The following MYT1L variants were observed in gnomAD, a reference collection of about 807,000 sequenced individuals.
The protein encoded by MYT1L is myelin transcription factor 1 like.
A neutral mutation model predicts 126.7 loss-of-function variants in MYT1L; 12 were observed. That is an observed-to-expected ratio of 0.09 (90% CI 0.06 to 0.15). The LOEUF (loss-of-function observed/expected upper bound fraction) is 0.15, where lower values mean the gene tolerates loss of function less well. Ranked by LOEUF, MYT1L falls within the 10% of genes least tolerant of loss-of-function variation. The pLI, the probability that MYT1L is intolerant of heterozygous loss-of-function variation, is 1.00. For synonymous variants in MYT1L, 541 were observed against 604.2 expected, an observed-to-expected ratio of 0.90 and a Z score of 1.53; for missense variants, 979 against 1,585.2, an observed-to-expected ratio of 0.62 and a Z score of 6.49.
At chr2:1,942,928 T>C in intron 9 of MYT1L, 54 bp downstream of exon 9, 3 of 1,482,078 alleles carry the variant, frequency 2.0e-6, no homozygotes, top group Non-Finnish European at 1.8e-6. Context: ...CAATTCACCT[T>C]GAACAGTGGA....
chr2:1,899,827 G>A (rs2050100019), intron 14 of MYT1L, among the ~76,000 whole-genome samples: 1 of 152,212 alleles, frequency 6.6e-6, no homozygotes, highest in South Asian at 2.1e-4. Context: ...ATGATAGACT[G>A]ACAGATGGAT....
chr2:2,160,179 C>T (rs778198849), intron 3 of MYT1L, among the ~76,000 whole-genome samples: 47 of 152,156 alleles, frequency 3.1e-4, no homozygotes, highest in Admixed American at 6.5e-4. Flanking sequence ...CTTTCATCAT[C>T]GTGAGTAGCA....
chr2:1,904,343 T>C (rs962815546), intron 13 of MYT1L, among the ~76,000 whole-genome samples: 6 of 152,102 alleles, frequency 3.9e-5, no homozygotes, highest in African/African-American at 9.7e-5. Flanking sequence ...TCAGGTTTTG[T>C]AGAATCAGAT....
intron 9 of MYT1L, among the ~76,000 whole-genome samples, chr2:1,941,277 C>A (rs555807246): frequency 2.6e-5 from 4 of 152,090 alleles, no homozygotes; most frequent in Non-Finnish European, 5.9e-5. Context: ...TATCTTAATC[C>A]GTCGCACCAA....
intron 2 of MYT1L, among the ~76,000 whole-genome samples, chr2:2,233,813 G>C (rs1329082943): frequency 1.3e-5 from 2 of 152,196 alleles, no homozygotes; most frequent in East Asian, 3.9e-4. Context: ...TTCTCACCCT[G>C]TACTGGCCTG....
chr2:1,857,342 G>A (rs558779727), intron 18 of MYT1L, among the ~76,000 whole-genome samples: 47 of 152,298 alleles, frequency 3.1e-4, no homozygotes, highest in African/African-American at 9.9e-4. Context: ...CTCCCAGAAT[G>A]TTTCAGCTCT....
intron 21 of MYT1L, among the ~76,000 whole-genome samples, chr2:1,812,208 CT>C (rs2036774468): frequency 6.6e-6 from 1 of 152,216 alleles, no homozygotes; most frequent in South Asian, 2.1e-4. Flanking sequence ...ACCGCACCCC[CT>C]GATGCTCTAA....
rs1572856968 is a variant in MYT1L, at chr2:1,850,223, CCTTCCTTCCTTCCTTCCTTCCTTCCT to C, written c.2774+1392_2774+1417del. Reference sequence around the variant, plus strand: ...TCCTTCCTTCCTTCCTTCCTTCCTTCCTTCCTTCCTTCCTTCCTTCCTTCCTTCCCTGTCTTTTCTCTCTTTCTTTT... The same window carrying C: ...TCCTTCCTTCCTTCCTTCCTTCCTTCTCCCTGTCTTTTCTCTCTTTCTTTT... On this transcript the variant is annotated intron_variant, in intron 19 of 24. Coordinates refer to ENST00000647738, the MANE Select transcript of MYT1L (RefSeq NM_001303052.2). Among the ~76,000 whole-genome samples, 3 of 74,146 alleles carry C rather than the reference CCTTCCTTCCTTCCTTCCTTCCTTCCT, an allele frequency of 4.0e-5. No homozygotes were observed. In the East Asian group the frequency reaches 3.0e-3, roughly 73 times the overall value. 48.6% of individuals were successfully genotyped at this position (74,146 alleles called of 152,430 possible). A position where few individuals can be genotyped will look rare whatever the true frequency, so the allele number is the denominator to read the frequency against.
chr2:1,903,279 C>T lies in MYT1L; in HGVS notation c.1833G>A (p.Val611=). The change falls in exon 14 of 25, where the codon GTG becomes GTA. Residue 611 remains valine, a synonymous_variant. Transcript: ENST00000647738. ...CATACTGAGGAATCTCCAGCTGCTT[C>T]ACAAAGCACATTGGCCTGGAAGTAA... ...SDRVLRPMCF[V]KQLEIPQYGY... 1 of 1,612,944 alleles carries T rather than the reference C, an allele frequency of 6.2e-7. No homozygotes were observed. Among genetic ancestry groups the T allele is most frequent in the Non-Finnish European group, 8.5e-7 (1 of 1,179,288 alleles).
intron 4 of MYT1L, among the ~76,000 whole-genome samples, chr2:2,000,891 C>T (rs1018800629): frequency 2.0e-5 from 3 of 152,168 alleles, no homozygotes; most frequent in Non-Finnish European, 4.4e-5. Flanking sequence ...GGTTTATGAA[C>T]GGTTCCACTC....
At chr2:2,151,637 T>G (rs1395245189) in intron 3 of MYT1L, among the ~76,000 whole-genome samples, 1 of 152,234 alleles carries the variant, frequency 6.6e-6, no homozygotes, top group Non-Finnish European at 1.5e-5. Flanking sequence ...AAATCTCGGA[T>G]AGTACCACAC....
intron 21 of MYT1L, among the ~76,000 whole-genome samples, chr2:1,818,822 A>C (rs1476469215): frequency 6.6e-6 from 1 of 152,260 alleles, no homozygotes; most frequent in African/African-American, 2.4e-5. Context: ...CAGAATTTGG[A>C]GGTTTTTCCC....
chr2:1,838,411 G>A (rs975823092), intron 21 of MYT1L, among the ~76,000 whole-genome samples: 2 of 152,062 alleles, frequency 1.3e-5, no homozygotes, highest in South Asian at 2.1e-4. Flanking sequence ...TGTGATTTTC[G>A]TAGAAAGTGG....
chr2:2,233,478 G>A (rs1176187388), intron 2 of MYT1L, among the ~76,000 whole-genome samples: 5 of 152,176 alleles, frequency 3.3e-5, no homozygotes, highest in Admixed American at 1.3e-4. Flanking sequence ...CGCCTGCTCT[G>A]GCTCCTGAGG....
chr2:2,095,890 GCA>G (rs575772093), intron 3 of MYT1L, among the ~76,000 whole-genome samples: 260 of 152,294 alleles, frequency 1.7e-3, no homozygotes, highest in Non-Finnish European at 3.3e-3. Context: ...AGGGGGAATT[GCA>G]CAGAGGGGCG....
intron 2 of MYT1L, among the ~76,000 whole-genome samples, chr2:2,206,761 C>T (rs997790782): frequency 6.6e-6 from 1 of 152,220 alleles, no homozygotes; most frequent in Non-Finnish European, 1.5e-5. Context: ...TTAGCAGATT[C>T]TGTAGTTGCC....
chr2:2,003,528 T>C (rs2062625439), intron 4 of MYT1L, among the ~76,000 whole-genome samples: 1 of 152,220 alleles, frequency 6.6e-6, no homozygotes, highest in South Asian at 2.1e-4. Context: ...TGATGGACCA[T>C]GGCCTGTGGG....
At chr2:2,119,718 CAAT>C (rs1230118949) in intron 3 of MYT1L, among the ~76,000 whole-genome samples, 5 of 152,174 alleles carry the variant, frequency 3.3e-5, no homozygotes, top group South Asian at 2.1e-4. Flanking sequence ...ATACAAGACA[CAAT>C]AATATTAATT....
At chr2:1,938,253 T>C (rs1038950541) in intron 9 of MYT1L, among the ~76,000 whole-genome samples, 1 of 152,216 alleles carries the variant, frequency 6.6e-6, no homozygotes, top group Non-Finnish European at 1.5e-5. Context: ...AGTATGAACA[T>C]AAACCATACC....
Sources: allele counts gnomAD v4.1 joint callset (sites outside exome capture counted in the v4.1 genomes callset), GRCh38; gene constraint gnomAD v4.1.1; transcripts MANE v1.5; gene names NCBI Gene and HGNC (gene_info 2026-07-23, HGNC 2026-07-21).